The following SAP130 variants were observed in gnomAD, a reference collection of about 807,000 sequenced individuals.
SAP130 encodes histone deacetylase complex subunit SAP130.
In SAP130, 16 loss-of-function variants were observed where a neutral mutation model predicts 103.2. The observed-to-expected ratio is 0.16, with a 90% CI of 0.10 to 0.24. The LOEUF is 0.24. Ranked by LOEUF, SAP130 falls within the 10% of genes least tolerant of loss-of-function variation. The probability of loss-of-function intolerance (pLI) is 1.00; values close to 1 mark genes in which losing one functional copy is unlikely to be tolerated. For missense variants in SAP130, 990 were observed against 1,359.7 expected (o/e 0.73, Z 4.28); for synonymous variants, 477 against 497.0 (o/e 0.96, Z 0.53).
chr2:127,980,603 T>A (rs936207603), intron 14 of SAP130, among the ~76,000 whole-genome samples: 4 of 152,104 alleles, frequency 2.6e-5, no homozygotes, highest in Non-Finnish European at 4.4e-5. Context: ...GCAACCCAAA[T>A]AACCATGGAT....
At position 127,941,656 on chromosome 2, in the gene SAP130, C is replaced by T; in HGVS notation, c.*350G>A. On this transcript the variant is annotated 3_prime_UTR_variant, in exon 21 of 21. Transcript: ENST00000643581. ...TTTCAGTCCAGGCTCAGTATGGGGCCTGCAGGAATCCACTAGATAAATACA... is the reference window on the plus strand; with the variant it reads ...TTTCAGTCCAGGCTCAGTATGGGGCTTGCAGGAATCCACTAGATAAATACA... 1 of 255,376 alleles carries T rather than the reference C, an allele frequency of 3.9e-6. No individual in the cohort carries two copies. Among genetic ancestry groups the T allele is most frequent in the Non-Finnish European group, 7.4e-6 (1 of 135,336 alleles). The allele number at this position is 255,376 out of a possible 1,614,324, so 15.8% of individuals were successfully genotyped here. A position where few individuals can be genotyped will look rare whatever the true frequency, so the allele number is the denominator to read the frequency against.
At chr2:127,968,440 A>G (rs1680831211) in intron 15 of SAP130, among the ~76,000 whole-genome samples, 1 of 145,502 alleles carries the variant, frequency 6.9e-6, no homozygotes, top group Admixed American at 6.8e-5. Context: ...TTTTTTTTTA[A>G]AGACAGGGTC....
chr2:128,004,444 A>G (rs1683817823), intron 7 of SAP130, among the ~76,000 whole-genome samples: 1 of 145,884 alleles, frequency 6.9e-6, no homozygotes, highest in Admixed American at 7.2e-5. Flanking sequence ...CTAGGCTCAG[A>G]CAATCCTCCT....
rs753589944 is a variant in SAP130, at chr2:127,986,292, G to A, written c.1958+493C>T. Among the ~76,000 whole-genome samples, 9 of 152,194 alleles carry A rather than the reference G, an allele frequency of 5.9e-5. No individual in the cohort carries two copies. Among genetic ancestry groups the A allele is most frequent in the Non-Finnish European group, 1.2e-4 (8 of 68,032 alleles). ...CTAGACACTGCTGTAGGGTTGGAGCGACACAGCCTGCCTGTCTGTATGCTC... is the reference window on the plus strand; with the variant it reads ...CTAGACACTGCTGTAGGGTTGGAGCAACACAGCCTGCCTGTCTGTATGCTC... On this transcript the variant is annotated intron_variant, in intron 14 of 20. Coordinates refer to ENST00000643581, the MANE Select transcript of SAP130 (RefSeq NM_001330301.2). This position sits in a 1 kb window ranked among gnomAD's most constrained non-coding sequence, Gnocchi z 4.7.
intron 15 of SAP130, among the ~76,000 whole-genome samples, chr2:127,962,394 T>C (rs886597925): frequency 7.2e-5 from 11 of 152,140 alleles, no homozygotes; most frequent in Non-Finnish European, 1.0e-4. Context: ...ACCCAAAGGA[T>C]TATAAATCAT....
chr2:127,958,794 G>A lies in SAP130; in HGVS notation c.2064-3450C>T, dbSNP rs543234451. 1.7e-4 allele frequency among the ~76,000 whole-genome samples: 26 copies of A among 152,130 alleles called. No homozygotes were observed. In the East Asian group the frequency reaches 2.5e-3, roughly 15 times the overall value. ...CTCCTGCCTGAACCTCAGTAGCTGG[G>A]ACTAAAGGTATGTGCCACCATCCTT... On this transcript the variant is annotated intron_variant, in intron 15 of 20. Coordinates refer to ENST00000643581, the MANE Select transcript of SAP130 (RefSeq NM_001330301.2).
intron 10 of SAP130, among the ~76,000 whole-genome samples, chr2:127,999,204 C>T (rs1283087764): frequency 6.6e-6 from 1 of 152,124 alleles, no homozygotes; most frequent in Non-Finnish European, 1.5e-5. Context: ...GGAGTAGGGA[C>T]TTCCTGGGTA....
In SAP130 at chr2:127,941,927, T is replaced by C; in HGVS notation, c.*79A>G. ...CTTCCTTTATTTCAATGTTCCACTTTGGAAAAAACCAAAACCCTCCCCCCA... is the reference window on the plus strand; with the variant it reads ...CTTCCTTTATTTCAATGTTCCACTTCGGAAAAAACCAAAACCCTCCCCCCA... On this transcript the variant is annotated 3_prime_UTR_variant, in exon 21 of 21. Coordinates refer to ENST00000643581, the MANE Select transcript of SAP130 (RefSeq NM_001330301.2). 1 of 757,408 alleles carries C rather than the reference T, an allele frequency of 1.3e-6. No individual in the cohort carries two copies. Among genetic ancestry groups the C allele is most frequent in the Non-Finnish European group, 2.2e-6 (1 of 449,734 alleles). The allele number at this position is 757,408 out of a possible 1,614,324, so 46.9% of individuals were successfully genotyped here. A position where few individuals can be genotyped will look rare whatever the true frequency, so the allele number is the denominator to read the frequency against.
chr2:127,962,670 T>C (rs540182405), intron 15 of SAP130, among the ~76,000 whole-genome samples: 39 of 143,584 alleles, frequency 2.7e-4, no homozygotes, highest in African/African-American at 5.5e-4. Flanking sequence ...TAGGTGGGAA[T>C]TGAACAATGA....
rs762711773 is a variant in SAP130 at position 128,016,506 on chromosome 2, A to G, written c.390T>C (p.Pro130=). Residue 130 remains proline (P), a synonymous_variant, in exon 4 of 21, where the codon CCT becomes CCC. Coordinates refer to ENST00000643581, the MANE Select transcript of SAP130 (RefSeq NM_001330301.2). Reference sequence around the variant, plus strand: ...GAAGTGACAGGGTAGAAGGTGGAGCAGGAGCAATGGGACGGCTAGGCATGG... The same window carrying G: ...GAAGTGACAGGGTAGAAGGTGGAGCGGGAGCAATGGGACGGCTAGGCATGG... ...KPTMPSRPIA[P]APPSTLSLPP... 9.9e-6 allele frequency: 16 copies of G among 1,613,964 alleles called. No homozygotes were observed. Among genetic ancestry groups the G allele is most frequent in the Non-Finnish European group, 1.1e-5 (13 of 1,179,948 alleles).
At chr2:128,002,384 C>G (rs1010361634) in intron 7 of SAP130, among the ~76,000 whole-genome samples, 4 of 151,950 alleles carry the variant, frequency 2.6e-5, no homozygotes, top group Non-Finnish European at 4.4e-5. Flanking sequence ...ACAAAATTAA[C>G]CGGGTGCGGT....
intron 14 of SAP130, among the ~76,000 whole-genome samples, chr2:127,983,675 G>C (rs1302492490): frequency 6.6e-6 from 1 of 152,278 alleles, no homozygotes; most frequent in Middle Eastern, 3.4e-3. Context: ...GGAAGTACGG[G>C]AGAAGCAGGC....
intron 10 of SAP130, among the ~76,000 whole-genome samples, chr2:127,997,339 C>A (rs182343549): frequency 2.4e-4 from 37 of 152,258 alleles, no homozygotes; most frequent in African/African-American, 8.9e-4. Context: ...TGATCTATAT[C>A]AGAAATATAG....
intron 15 of SAP130, among the ~76,000 whole-genome samples, chr2:127,958,529 A>T (rs893907882): frequency 1.3e-5 from 2 of 152,232 alleles, no homozygotes; most frequent in Non-Finnish European, 2.9e-5. Context: ...CTCAAAAATC[A>T]TATCTGGGTT....
At chr2:128,003,909 G>A (rs972383116) in intron 7 of SAP130, among the ~76,000 whole-genome samples, 4 of 141,214 alleles carry the variant, frequency 2.8e-5, no homozygotes, top group Non-Finnish European at 6.1e-5. Context: ...GGCATATTAC[G>A]GATTTTGGTT....
At chr2:127,947,756 G>T (rs982977116) in intron 18 of SAP130, among the ~76,000 whole-genome samples, 1 of 135,814 alleles carries the variant, frequency 7.4e-6, no homozygotes, top group African/African-American at 3.2e-5. Context: ...ATTTTGTATT[G>T]TGTGTGTCTG....
chr2:127,988,290 G>C (rs2105001592), intron 13 of SAP130, among the ~76,000 whole-genome samples: 1 of 152,024 alleles, frequency 6.6e-6, no homozygotes, highest in South Asian at 2.1e-4. Flanking sequence ...CAGGTGTGGT[G>C]GCATGCACTT....
rs549936161 is a variant in SAP130 at position 127,970,308 on chromosome 2, C to T, written c.2063+7677G>A. 6.6e-5 allele frequency among the ~76,000 whole-genome samples: 10 copies of T among 150,398 alleles called. No individual in the cohort carries two copies. The East Asian group carries it at 7.8e-4, about 12-fold the overall frequency. ...CTGTAATCCCAGCACTTTGGGAGGC[C>T]GAGGCGGAGGGATCATGAGATCAGG... On this transcript the variant is annotated intron_variant, in intron 15 of 20. Coordinates refer to ENST00000643581, the MANE Select transcript of SAP130 (RefSeq NM_001330301.2).
chr2:128,018,747 T>C (rs1025573634), intron 2 of SAP130, among the ~76,000 whole-genome samples: 1 of 149,906 alleles, frequency 6.7e-6, no homozygotes, highest in African/African-American at 2.5e-5. Context: ...AGCCAAGCCA[T>C]GATTGTGCCA....
Sources: allele counts gnomAD v4.1 joint callset (sites outside exome capture counted in the v4.1 genomes callset), GRCh38; gene constraint gnomAD v4.1.1; non-coding constraint Gnocchi (gnomAD v3.1); transcripts MANE v1.5; gene names NCBI Gene and HGNC (gene_info 2026-07-23, HGNC 2026-07-21).